The following LAMA2 variants were observed in gnomAD, a reference collection of about 807,000 sequenced individuals.
LAMA2 encodes the protein laminin subunit alpha-2.
LAMA2 carries 269 observed loss-of-function variants against 364.8 expected under a neutral mutation model. The ratio of observed to expected loss-of-function variants is 0.74; its 90% confidence interval spans 0.67 to 0.82. The LOEUF (loss-of-function observed/expected upper bound fraction) is 0.82, where lower values mean the gene tolerates loss of function less well. LAMA2 is among the 40% of genes least tolerant of loss of function. LAMA2 has a pLI of 0.00. For synonymous variants in LAMA2, 1,379 were observed against 1,370.6 expected (o/e 1.01, Z -0.14); for missense variants, 3,807 against 3,873.2 (o/e 0.98, Z 0.45).
chr6:129,340,150 TG>T (rs1207516417), intron 29 of LAMA2, among the ~76,000 whole-genome samples: 1 of 152,194 alleles, frequency 6.6e-6, no homozygotes, highest in Non-Finnish European at 1.5e-5. Context: ...TGGGTCATCC[TG>T]GTATTATGTT....
chr6:129,110,878 A>ATC (rs1056218409), intron 4 of LAMA2, among the ~76,000 whole-genome samples: 3 of 151,890 alleles, frequency 2.0e-5, no homozygotes, highest in Admixed American at 2.0e-4. Flanking sequence ...GCCATCCACC[A>ATC]TCTCTACTCG....
intron 1 of LAMA2, among the ~76,000 whole-genome samples, chr6:128,938,467 G>T (rs1470684455): frequency 1.3e-5 from 2 of 152,140 alleles, no homozygotes; most frequent in Non-Finnish European, 2.9e-5. Flanking sequence ...CGTAGTTATA[G>T]GAGTTAGTTT....
In LAMA2 at chr6:129,117,266, T is replaced by G. The variant is rs1776533115; in HGVS notation, c.639+18851T>G. On this transcript the variant is annotated intron_variant, in intron 4 of 64. Coordinates refer to ENST00000421865, the MANE Select transcript of LAMA2 (RefSeq NM_000426.4). ...GTAAAAGGATTTCAAGCATCACTAG[T>G]GCAAAGGACAATATTACTTGCTTAT... Among the ~76,000 whole-genome samples, 2 of 152,212 alleles carry G rather than the reference T, an allele frequency of 1.3e-5. 1 individual carries two copies. Among genetic ancestry groups the G allele is most frequent in the South Asian group, 4.1e-4 (2 of 4,834 alleles).
chr6:129,188,052 C>T (rs2115030684), intron 10 of LAMA2, among the ~76,000 whole-genome samples: 1 of 151,880 alleles, frequency 6.6e-6, no homozygotes, highest in East Asian at 1.9e-4. Context: ...CTTCCTTAAG[C>T]CTTATAGCAA....
chr6:129,111,090 A>G (rs7738316), intron 4 of LAMA2, among the ~76,000 whole-genome samples: 35,525 of 151,900 alleles, frequency 0.23, 4,398 homozygotes, highest in African/African-American at 0.32. Context: ...TGGAATGGTT[A>G]TGATTACACT....
intron 1 of LAMA2, among the ~76,000 whole-genome samples, chr6:128,968,084 G>C (rs138950309): frequency 6.6e-6 from 1 of 152,238 alleles, no homozygotes; most frequent in African/African-American, 2.4e-5. Flanking sequence ...AAACAAAAGG[G>C]AATCCATGTG....
chr6:129,159,950 T>C (rs954605331), intron 8 of LAMA2, among the ~76,000 whole-genome samples: 2 of 152,236 alleles, frequency 1.3e-5, no homozygotes, highest in African/African-American at 4.8e-5. Flanking sequence ...TGTGAATTAA[T>C]CTCCATTTGG....
chr6:129,349,340 C>G lies in LAMA2; in HGVS notation c.4479C>G (p.Arg1493=), dbSNP rs372489296. 1.2e-6 allele frequency: 2 copies of G among 1,613,670 alleles called. No homozygotes were observed. Among genetic ancestry groups the G allele is most frequent in the Non-Finnish European group, 8.5e-7 (1 of 1,179,684 alleles). ...SCVAEGLDDY[R]CTACPRGYEG... ...TCGCAGAAGGACTTGACGACTACCG[C>G]TGCACGGCTTGTCCACGGGGATATG... is the stretch of plus-strand genomic sequence containing the variant. The change falls in exon 31 of 65, where the codon CGC becomes CGG. Residue 1493 remains arginine, a synonymous_variant. Transcript: ENST00000421865.
chr6:129,168,814 ATTTG>A (rs1779933269), intron 9 of LAMA2, among the ~76,000 whole-genome samples: 1 of 141,116 alleles, frequency 7.1e-6, no homozygotes, highest in African/African-American at 2.7e-5. Context: ...ATGTTCTTCC[ATTTG>A]TTTGTATCCT....
intron 3 of LAMA2, among the ~76,000 whole-genome samples, chr6:129,097,188 A>G (rs1468487602): frequency 6.6e-6 from 1 of 152,204 alleles, no homozygotes; most frequent in African/African-American, 2.4e-5. Context: ...TTATTATTAT[A>G]GCACTTTTCA....
At chr6:129,179,520 A>G (rs943399108) in intron 10 of LAMA2, among the ~76,000 whole-genome samples, 2 of 152,158 alleles carry the variant, frequency 1.3e-5, no homozygotes, top group Non-Finnish European at 2.9e-5. Context: ...GCTCCAAGGG[A>G]AAGCCCCTTG....
chr6:129,164,439 C>A (rs1779619577), intron 8 of LAMA2, among the ~76,000 whole-genome samples: 1 of 152,174 alleles, frequency 6.6e-6, no homozygotes, highest in Admixed American at 6.5e-5. Flanking sequence ...GTGAGGACTA[C>A]TGTAATTTAT....
At chr6:129,311,417 G>A (rs1011332874) in intron 22 of LAMA2, among the ~76,000 whole-genome samples, 2 of 152,132 alleles carry the variant, frequency 1.3e-5, no homozygotes, top group Admixed American at 6.5e-5. Flanking sequence ...CACCGCGCCC[G>A]GCCTAATGAA....
At chr6:128,939,154 A>G (rs980080378) in intron 1 of LAMA2, among the ~76,000 whole-genome samples, 1 of 152,140 alleles carries the variant, frequency 6.6e-6, no homozygotes, top group Non-Finnish European at 1.5e-5. Context: ...TTTCCTCCAC[A>G]GTTTTGCTTG....
intron 17 of LAMA2, among the ~76,000 whole-genome samples, chr6:129,279,830 T>TGTTCTCC (rs1242942881): frequency 6.6e-6 from 1 of 152,184 alleles, no homozygotes; most frequent in African/African-American, 2.4e-5. Context: ...AGTCAGTTAA[T>TGTTCTCC]AACATGTCAC....
At chr6:128,893,679 A>T (rs1402721897) in intron 1 of LAMA2, among the ~76,000 whole-genome samples, 1 of 151,994 alleles carries the variant, frequency 6.6e-6, no homozygotes, top group Non-Finnish European at 1.5e-5. Context: ...TTCTATGTCA[A>T]GATTCCTTTT....
intron 14 of LAMA2, among the ~76,000 whole-genome samples, chr6:129,259,266 T>C (rs1409077796): frequency 3.9e-5 from 6 of 152,140 alleles, no homozygotes; most frequent in African/African-American, 1.4e-4. Context: ...CTTTTAGCTT[T>C]GCTCTCTGGC....
At chr6:129,209,116 GC>G (rs1337584775) in intron 12 of LAMA2, among the ~76,000 whole-genome samples, 2 of 151,970 alleles carry the variant, frequency 1.3e-5, no homozygotes, top group Non-Finnish European at 2.9e-5. Context: ...TACTCATACT[GC>G]AGGAAAAAAA....
At chr6:128,943,801 T>C (rs1357311918) in intron 1 of LAMA2, among the ~76,000 whole-genome samples, 2 of 152,134 alleles carry the variant, frequency 1.3e-5, no homozygotes. Flanking sequence ...GAGAATACCA[T>C]AGTAGGTCCT....
Sources: allele counts gnomAD v4.1 joint callset (sites outside exome capture counted in the v4.1 genomes callset), GRCh38; gene constraint gnomAD v4.1.1; transcripts MANE v1.5; gene names NCBI Gene and HGNC (gene_info 2026-07-23, HGNC 2026-07-21).